TOP1MT: variants seen among roughly 807,000 people sequenced by gnomAD.
TOP1MT encodes DNA topoisomerase I, mitochondrial.
Under a neutral mutation model 73.9 loss-of-function variants are expected in TOP1MT, and 80 were observed. The ratio of observed to expected loss-of-function variants is 1.08; its 90% CI spans 0.90 to 1.30. The LOEUF is 1.30. Ranked by LOEUF, TOP1MT falls within the 50% of genes most tolerant of loss-of-function variation. The pLI, the probability that TOP1MT is intolerant of heterozygous loss-of-function variation, is 0.00. For synonymous variants in TOP1MT, 338 were observed against 326.4 expected, an observed-to-expected ratio of 1.04 and a Z score of -0.38; for missense variants, 815 against 808.0, an observed-to-expected ratio of 1.01 and a Z score of -0.10.
At position 143,310,167 on chromosome 8, in the gene TOP1MT, G is replaced by C. The variant is rs747566486; in HGVS notation, c.1604C>G (p.Ala535Gly). Residue 535 changes from alanine (A) to glycine (G), a missense_variant, in exon 13 of 14, where the codon GCG (alanine) becomes GGG (glycine). Physicochemically the swap from Ala to Gly is moderately conservative, Grantham distance 60 (BLOSUM62 0). This residue lies in a region of TOP1MT where 751 missense variants were observed against 725.4 expected (regional missense o/e 1.04). Coordinates refer to ENST00000329245, the MANE Select transcript of TOP1MT (RefSeq NM_052963.3). ...RLLEKLQEQL[A>G]QLSVQATDKE... ...GTCCGTGGCCTGCACACTCAGCTGC[G>C]CCAGCTGCTCCTGCAGCTTCTCCAG... is the stretch of plus-strand genomic sequence containing the variant. 1.2e-6 allele frequency: 2 copies of C among 1,606,758 alleles called. No homozygotes were observed. Among genetic ancestry groups the C allele is most frequent in the Non-Finnish European group, 1.7e-6 (2 of 1,176,802 alleles).
At chr8:143,323,291 C>T (rs1365126650) in intron 7 of TOP1MT, among the ~76,000 whole-genome samples, 9 of 125,470 alleles carry the variant, frequency 7.2e-5, no homozygotes, top group East Asian at 2.6e-4. Context: ...ACGCCACACA[C>T]GCACGCCACA....
intron 8 of TOP1MT, among the ~76,000 whole-genome samples, chr8:143,320,351 C>T (rs111974971): frequency 0.12 from 18,688 of 151,978 alleles, 1,301 homozygotes; most frequent in African/African-American, 0.19. Context: ...AGGATGGTCT[C>T]GATCTCCTGA....
chr8:143,329,990 G>T (rs1343233895), intron 2 of TOP1MT, among the ~76,000 whole-genome samples: 3 of 152,206 alleles, frequency 2.0e-5, no homozygotes, highest in Non-Finnish European at 4.4e-5. Flanking sequence ...CTCGTGGTGG[G>T]AACGAGGGTG....
chr8:143,339,240 T>C (rs533780390), upstream of TOP1MT, among the ~76,000 whole-genome samples: 1 of 152,190 alleles, frequency 6.6e-6, no homozygotes, highest in East Asian at 1.9e-4. Context: ...ATTTCAACTA[T>C]TTCAACCAAA....
At chr8:143,316,386 A>G (rs1307298551) in intron 10 of TOP1MT, among the ~76,000 whole-genome samples, 1 of 110,048 alleles carries the variant, frequency 9.1e-6, no homozygotes, top group Non-Finnish European at 2.1e-5. Flanking sequence ...CCCAGGCCCC[A>G]TGGCAAGGAG....
In TOP1MT at chr8:143,313,086, G is replaced by C. The variant is rs568279114; in HGVS notation, c.1553+2641C>G. On this transcript the variant is annotated intron_variant, in intron 12 of 13. Coordinates refer to ENST00000329245, the MANE Select transcript of TOP1MT (RefSeq NM_052963.3). ...AGAATGACCCTGGGCCCTTCCCTCA[G>C]ACCACACACAAAAATTAACTCAGAA... Among the ~76,000 whole-genome samples the C allele has an allele frequency of 4.6e-5, 7 of 152,262 alleles. No individual in the cohort carries two copies. In the South Asian group the frequency reaches 1.5e-3, roughly 32 times the overall value.
intron 5 of TOP1MT, 103 bp from the exon 6 acceptor site, chr8:143,324,732 G>A: frequency 7.1e-7 from 1 of 1,416,302 alleles, no homozygotes; most frequent in Non-Finnish European, 9.6e-7. Context: ...TGGCTATGGT[G>A]GTGGCATGGC....
intron 1 of TOP1MT, among the ~76,000 whole-genome samples, chr8:143,355,168 G>C (rs1171545017): frequency 6.6e-6 from 1 of 152,202 alleles, no homozygotes; most frequent in East Asian, 1.9e-4. Context: ...CTCCTCACCA[G>C]AGGGCAGGTA....
At chr8:143,312,297 T>C (rs1475840541) in intron 12 of TOP1MT, among the ~76,000 whole-genome samples, 2 of 152,188 alleles carry the variant, frequency 1.3e-5, no homozygotes, top group African/African-American at 4.8e-5. Flanking sequence ...AACATGCTCA[T>C]GAATACAGAT....
chr8:143,353,577 A>T (rs1489286684), intron 1 of TOP1MT, among the ~76,000 whole-genome samples: 4 of 152,210 alleles, frequency 2.6e-5, no homozygotes, highest in African/African-American at 9.6e-5. Context: ...CTTTACATCA[A>T]CCAGAATGGC....
At chr8:143,335,742 T>C (rs1816971138), upstream of TOP1MT, among the ~76,000 whole-genome samples, 1 of 152,236 alleles carries the variant, frequency 6.6e-6, no homozygotes, top group Non-Finnish European at 1.5e-5. Flanking sequence ...GCACTTTCAC[T>C]GTGACCGTTG....
At chr8:143,314,247 C>T (rs1816091631) in intron 12 of TOP1MT, among the ~76,000 whole-genome samples, 1 of 152,178 alleles carries the variant, frequency 6.6e-6, no homozygotes, top group Non-Finnish European at 1.5e-5. Flanking sequence ...GTCTCCTCCT[C>T]CCACGGCTCC....
chr8:143,324,876 C>T (rs1816662011), intron 5 of TOP1MT, among the ~76,000 whole-genome samples: 1 of 152,186 alleles, frequency 6.6e-6, no homozygotes, highest in South Asian at 2.1e-4. Context: ...CAAGGCACCG[C>T]TCTGCACAGA....
At position 143,321,266 on chromosome 8, in the gene TOP1MT, C is replaced by A. The variant is rs373788359; in HGVS notation, c.1081G>T (p.Val361Leu). Residue 361 changes from valine to leucine, a missense_variant, in exon 8 of 14, where the codon GTG becomes TTG. Val to Leu is a conservative substitution (Grantham distance 32, BLOSUM62 1). Around this residue, in one of 3 missense-constraint regions of TOP1MT, gnomAD observed 751 missense variants for 725.4 expected, o/e 1.04. Coordinates refer to ENST00000329245, the MANE Select transcript of TOP1MT (RefSeq NM_052963.3). ...TCCTTCCCCAGGAAGTCAAATTCCA[C>A]CACGTGTTGGCAGCCATCGGCCTCC... is the stretch of plus-strand genomic sequence containing the variant. ...HPEADGCQHV[V>L]EFDFLGKDCI... The A allele has an allele frequency of 2.5e-6, 4 of 1,612,514 alleles. No individual in the cohort carries two copies. Among genetic ancestry groups the A allele is most frequent in the African/African-American group, 2.7e-5 (2 of 74,868 alleles).
At chr8:143,321,567 GCACGC>G (rs1816368731) in intron 7 of TOP1MT, among the ~76,000 whole-genome samples, 181 bp from the exon 8 acceptor site, 1 of 43,386 alleles carries the variant, frequency 2.3e-5, no homozygotes, top group Non-Finnish European at 5.0e-5. Flanking sequence ...CCACACACAC[GCACGC>G]CACACAGGCA....
chr8:143,330,602 G>A (rs958477074), intron 2 of TOP1MT, among the ~76,000 whole-genome samples: 1 of 152,232 alleles, frequency 6.6e-6, no homozygotes, highest in Non-Finnish European at 1.5e-5. Context: ...CCTGCCCTGG[G>A]GGAGAAGAGG....
rs118030566 is a variant in TOP1MT at position 143,320,871 on chromosome 8, C to T, written c.1146+330G>A. On this transcript the variant is annotated intron_variant, in intron 8 of 13. Coordinates refer to ENST00000329245, the MANE Select transcript of TOP1MT (RefSeq NM_052963.3). ...TCAGACTCTGGCCCCCAGGGCTGAG[C>T]GACAATAAACGTCTGTTAAACCACT... is the stretch of plus-strand genomic sequence containing the variant. Among the ~76,000 whole-genome samples the T allele has an allele frequency of 7.6e-3, 1,156 of 152,008 alleles. 5 individuals are homozygous for T. The highest frequency in any genetic ancestry group is 0.012 in the Non-Finnish European group (789 of 68,018).
chr8:143,356,641 C>T (rs1465206662), upstream of TOP1MT, among the ~76,000 whole-genome samples: 4 of 148,028 alleles, frequency 2.7e-5, no homozygotes, highest in Admixed American at 6.8e-5. Context: ...CTAAAATTAG[C>T]CAGTCATGGT....
chr8:143,309,679 C>A, intron 13 of TOP1MT, 136 bp from the exon 14 acceptor site: 1 of 1,521,740 alleles, frequency 6.6e-7, no homozygotes, highest in East Asian at 2.4e-5. Flanking sequence ...GGACCTGCTC[C>A]TCTAGGCCAA....
Sources: gnomAD v4.1 joint callset for allele counts (sites outside exome capture counted in the v4.1 genomes callset) on GRCh38, gnomAD v4.1.1 for gene constraint, gnomAD v4.1.1 regional missense constraint, MANE v1.5 for transcripts, NCBI Gene and HGNC (gene_info 2026-07-23, HGNC 2026-07-21) for gene names.